The following ZNF395 variants were observed in gnomAD, a reference collection of about 807,000 sequenced individuals.
ZNF395 encodes the protein zinc finger protein 395, also known as HD gene regulatory region-binding protein 2.
Under a neutral mutation model 57.7 loss-of-function variants are expected in ZNF395, and 20 were observed. That is an observed-to-expected ratio of 0.35 (90% confidence interval 0.24 to 0.50). The LOEUF (loss-of-function observed/expected upper bound fraction) is 0.50, where lower values mean the gene tolerates loss of function less well. Ranked by LOEUF, ZNF395 falls within the 20% of genes least tolerant of loss-of-function variation. The probability of loss-of-function intolerance (pLI) is 0.97; values close to 1 mark genes in which losing one functional copy is unlikely to be tolerated. For missense variants in ZNF395, 606 were observed against 671.2 expected (o/e 0.90, Z 1.07); for synonymous variants, 295 against 275.9 (o/e 1.07, Z -0.69).
chr8:28,354,671 T>C (rs1801757830), intron 4 of ZNF395, among the ~76,000 whole-genome samples: 1 of 152,144 alleles, frequency 6.6e-6, no homozygotes, highest in Non-Finnish European at 1.5e-5. Context: ...ACTGTTGTCA[T>C]GTCTCACAGC....
At chr8:28,350,325 C>T (rs1410757010) in intron 7 of ZNF395, among the ~76,000 whole-genome samples, 169 bp from the exon 8 acceptor site, 3 of 152,210 alleles carry the variant, frequency 2.0e-5, no homozygotes, top group Non-Finnish European at 4.4e-5. Context: ...ACTGGAGTAT[C>T]ATCCAATGCC....
chr8:28,361,222 A>T, intron 1 of ZNF395, 40 bp from the exon 2 acceptor site: 1 of 1,552,082 alleles, frequency 6.4e-7, no homozygotes, highest in Non-Finnish European at 8.8e-7. Context: ...AGCCCCACAC[A>T]GCAGGAGCCA....
chr8:28,375,699 G>C (rs538928920), intron 1 of ZNF395, among the ~76,000 whole-genome samples: 4 of 152,298 alleles, frequency 2.6e-5, no homozygotes, highest in Non-Finnish European at 4.4e-5. Context: ...TCAGACGTTG[G>C]AAATCTCTGT....
At chr8:28,376,974 T>G (rs1284641367) in intron 1 of ZNF395, among the ~76,000 whole-genome samples, 4 of 152,170 alleles carry the variant, frequency 2.6e-5, no homozygotes. Context: ...GAGACAAAAA[T>G]CATCTTACAA....
chr8:28,362,091 C>CAA (rs111833441), intron 1 of ZNF395, among the ~76,000 whole-genome samples: 33 of 124,980 alleles, frequency 2.6e-4, no homozygotes, highest in African/African-American at 4.8e-4. Context: ...GACTCAGACT[C>CAA]AAAAAAAAAA....
rs970558013 is a variant in ZNF395 at position 28,359,508 on chromosome 8, T to G, written c.473+84A>C. 2.2e-4 allele frequency: 328 copies of G among 1,471,812 alleles called. No homozygotes were observed. Among genetic ancestry groups the G allele is most frequent in the Non-Finnish European group, 2.9e-4 (320 of 1,106,888 alleles). 91.2% of individuals were successfully genotyped at this position (1,471,812 alleles called of 1,614,324 possible). A position where few individuals can be genotyped will look rare whatever the true frequency, so the allele number is the denominator to read the frequency against. ...ACCCAGATGCCAATGACACCACATTTCTTCCCCACCACAACACAGCCCACA... is the reference window on the plus strand; with the variant it reads ...ACCCAGATGCCAATGACACCACATTGCTTCCCCACCACAACACAGCCCACA... On this transcript the variant is annotated intron_variant, in intron 3 of 9. Coordinates refer to ENST00000344423, the MANE Select transcript of ZNF395 (RefSeq NM_018660.3). This position sits in a 1 kb window ranked among gnomAD's most constrained non-coding sequence, Gnocchi z 4.7.
intron 4 of ZNF395, among the ~76,000 whole-genome samples, chr8:28,355,545 T>C (rs946252176): frequency 6.6e-6 from 1 of 152,162 alleles, no homozygotes; most frequent in African/African-American, 2.4e-5. Flanking sequence ...ATGCATGTAT[T>C]ATACATACCC....
intron 5 of ZNF395, 84 bp downstream of exon 5, chr8:28,353,089 G>T: frequency 1.5e-6 from 2 of 1,335,416 alleles, no homozygotes; most frequent in Non-Finnish European, 1.1e-6. Context: ...GGCCTGCAGG[G>T]TCCCCTGCTC....
rs1184658829 is a variant in ZNF395 at position 28,386,395 on chromosome 8, C to T, written c.-61G>A. 2.7e-5 allele frequency: 4 copies of T among 150,636 alleles called. No individual in the cohort carries two copies. Among genetic ancestry groups the T allele is most frequent in the African/African-American group, 9.8e-5 (4 of 41,014 alleles). The allele number at this position is 150,636 out of a possible 1,614,324, so 9.3% of individuals were successfully genotyped here. ...CCCAGCGCGCCTGGGCTACACACCC[C>T]CGGCCGCCCGTAGACAGTCGGCGCT... is the stretch of plus-strand genomic sequence containing the variant. On this transcript the variant is annotated splice_region_variant and 5_prime_UTR_variant, in exon 1 of 10. Transcript: ENST00000344423.
At chr8:28,378,639 T>G (rs1802073177) in intron 1 of ZNF395, among the ~76,000 whole-genome samples, 4 of 152,222 alleles carry the variant, frequency 2.6e-5, no homozygotes. Flanking sequence ...AAGAACACAC[T>G]TGATGATATT....
Position 28,382,578 on chromosome 8 carries a change from C to T in ZNF395, c.-59+3815G>A, listed in dbSNP as rs1585867652. On this transcript the variant is annotated intron_variant, in intron 1 of 9. Transcript: ENST00000344423. The stretch of plus-strand genomic sequence containing the variant: ...TCCCTAAACGTTTTTCCAAGCCCCA[C>T]CAGCACAGAACACGCCCCACTCCTC... Among the ~76,000 whole-genome samples the T allele has an allele frequency of 3.9e-5, 6 of 152,262 alleles. 1 individual carries two copies. In the South Asian group the frequency reaches 8.3e-4, roughly 21 times the overall value.
At position 28,356,662 on chromosome 8, in the gene ZNF395, T is replaced by G. The variant is rs1801784217; in HGVS notation, c.583+8A>C. 6.2e-7 allele frequency: 1 copy of G among 1,612,764 alleles called. No individual in the cohort carries two copies. Among genetic ancestry groups the G allele is most frequent in the Non-Finnish European group, 8.5e-7 (1 of 1,178,974 alleles). On this transcript the variant is annotated splice_region_variant and intron_variant, in intron 4 of 9. Transcript: ENST00000344423. This position sits in a 1 kb window ranked among gnomAD's most constrained non-coding sequence, Gnocchi z 4.0. ...TGCCCAGAACCCAGCTGGGCCCCGC[T>G]TGCTCACCAGAGAAGTTGGCCTCGG...
chr8:28,361,146 C>T lies in ZNF395; in HGVS notation c.-22G>A, dbSNP rs372738905. On this transcript the variant is annotated 5_prime_UTR_variant, in exon 2 of 10. Transcript: ENST00000344423. ...CCATGCTGCTGCCTCTCCTCTCCTG[C>T]GGAGGCGAAGGGGACACTGAAGCCT... 5.3e-5 allele frequency: 86 copies of T among 1,609,650 alleles called. No individual in the cohort carries two copies. The East Asian group carries it at 6.5e-4, about 12-fold the overall frequency.
intron 1 of ZNF395, among the ~76,000 whole-genome samples, chr8:28,384,579 C>T (rs1384540348): frequency 6.6e-6 from 1 of 152,218 alleles, no homozygotes; most frequent in Non-Finnish European, 1.5e-5. Flanking sequence ...TCATCTCTTA[C>T]ACCTTCTGTC....
chr8:28,373,806 G>A (rs559670957), intron 1 of ZNF395, among the ~76,000 whole-genome samples: 6 of 152,272 alleles, frequency 3.9e-5, no homozygotes, highest in Middle Eastern at 3.4e-3. Flanking sequence ...CATCCACCTA[G>A]CACACTCTAA....
intron 1 of ZNF395, among the ~76,000 whole-genome samples, chr8:28,364,115 A>T (rs1801881911): frequency 6.6e-6 from 1 of 152,222 alleles, no homozygotes; most frequent in African/African-American, 2.4e-5. Flanking sequence ...CCTCAAAAGG[A>T]TCTGAGATGA....
intron 1 of ZNF395, among the ~76,000 whole-genome samples, chr8:28,381,783 A>C (rs891277523): frequency 2.6e-5 from 4 of 152,198 alleles, no homozygotes; most frequent in African/African-American, 9.7e-5. Flanking sequence ...GATCCCTGCC[A>C]GCCAGAAGCG....
chr8:28,363,984 G>A (rs1801880694), intron 1 of ZNF395, among the ~76,000 whole-genome samples: 1 of 152,086 alleles, frequency 6.6e-6, no homozygotes, highest in Non-Finnish European at 1.5e-5. Context: ...TTTTCTCATT[G>A]GCTTTATTTA....
intron 4 of ZNF395, among the ~76,000 whole-genome samples, chr8:28,354,764 C>A (rs755266763): frequency 6.6e-6 from 1 of 151,762 alleles, no homozygotes; most frequent in Non-Finnish European, 1.5e-5. Flanking sequence ...GGGCAGAAGA[C>A]AAGAATCATT....
Sources: allele counts gnomAD v4.1 joint callset (sites outside exome capture counted in the v4.1 genomes callset), GRCh38; gene constraint gnomAD v4.1.1; non-coding constraint Gnocchi (gnomAD v3.1); transcripts MANE v1.5; gene names NCBI Gene and HGNC (gene_info 2026-07-23, HGNC 2026-07-21).